ALK: variants seen among roughly 807,000 people sequenced by gnomAD.
The protein encoded by ALK is ALK receptor tyrosine kinase, also known as ALK tyrosine kinase receptor.
Under a neutral mutation model 163.1 loss-of-function variants are expected in ALK, and 74 were observed. That is an observed-to-expected ratio of 0.45 (90% CI 0.38 to 0.55). ALK has a LOEUF of 0.55. ALK is among the 20% of genes least tolerant of loss of function. The pLI is 0.00. For synonymous variants in ALK, 960 were observed against 843.2 expected, an observed-to-expected ratio of 1.14 and a Z score of -2.40; for missense variants, 2,063 against 2,105.3, an observed-to-expected ratio of 0.98 and a Z score of 0.39.
At chr2:29,680,742 T>C (rs1013200806) in intron 3 of ALK, among the ~76,000 whole-genome samples, 2 of 152,260 alleles carry the variant, frequency 1.3e-5, no homozygotes, top group Non-Finnish European at 1.5e-5. Context: ...TGAGTCACAT[T>C]GTATTATTTC....
chr2:29,422,926 T>TTTC (rs1350138307), intron 4 of ALK, among the ~76,000 whole-genome samples: 1 of 151,960 alleles, frequency 6.6e-6, no homozygotes, highest in Non-Finnish European at 1.5e-5. Flanking sequence ...TTTTTTTTTT[T>TTTC]TTTCCCAGCA....
At chr2:29,314,674 G>T (rs951371964) in intron 8 of ALK, among the ~76,000 whole-genome samples, 2 of 152,130 alleles carry the variant, frequency 1.3e-5, no homozygotes, top group African/African-American at 4.8e-5. Context: ...GCCTTGGAGG[G>T]GAAAGAAAAT....
chr2:29,479,473 T>C (rs1671608983), intron 4 of ALK, among the ~76,000 whole-genome samples: 1 of 152,202 alleles, frequency 6.6e-6, no homozygotes, highest in African/African-American at 2.4e-5. Flanking sequence ...GGTGTTTTGC[T>C]CTAGAAAGCT....
intron 12 of ALK, among the ~76,000 whole-genome samples, chr2:29,245,499 A>G (rs765470098): frequency 0.013 from 706 of 52,964 alleles, no homozygotes; most frequent in Middle Eastern, 0.083. Flanking sequence ...GGGCTTTATG[A>G]CTCAGTGCCC....
intron 3 of ALK, among the ~76,000 whole-genome samples, chr2:29,655,739 T>C (rs908184596): frequency 5.9e-5 from 9 of 152,214 alleles, no homozygotes; most frequent in African/African-American, 1.7e-4. Context: ...TGAACAATTA[T>C]AGAAGTTCTA....
intron 1 of ALK, among the ~76,000 whole-genome samples, chr2:29,913,778 CA>C (rs1413110796): frequency 2.0e-5 from 3 of 152,122 alleles, no homozygotes; most frequent in African/African-American, 7.2e-5. Flanking sequence ...CAGGGAGTCT[CA>C]AAGTTTAACT....
chr2:29,320,240 G>A (rs1446957977), intron 7 of ALK, among the ~76,000 whole-genome samples: 1 of 152,204 alleles, frequency 6.6e-6, no homozygotes, highest in African/African-American at 2.4e-5. Flanking sequence ...GGGAGGACAG[G>A]CATTACTAGC....
At chr2:29,661,230 T>C (rs1354162473) in intron 3 of ALK, among the ~76,000 whole-genome samples, 1 of 152,186 alleles carries the variant, frequency 6.6e-6, no homozygotes, top group Non-Finnish European at 1.5e-5. Context: ...ATGGAAGTCA[T>C]GCAGCTACAG....
chr2:29,752,951 A>C (rs1302404396), intron 1 of ALK, among the ~76,000 whole-genome samples: 1 of 152,108 alleles, frequency 6.6e-6, no homozygotes, highest in Non-Finnish European at 1.5e-5. Flanking sequence ...AAGTACCCCA[A>C]TCTTCAGACT....
intron 11 of ALK, among the ~76,000 whole-genome samples, chr2:29,256,600 C>T (rs963643127): frequency 2.0e-5 from 3 of 151,358 alleles, no homozygotes; most frequent in Non-Finnish European, 4.4e-5. Flanking sequence ...CTAGGGAACA[C>T]TTTTGAGTGT....
At chr2:29,539,420 C>T (rs934668113) in intron 3 of ALK, among the ~76,000 whole-genome samples, 17 of 152,020 alleles carry the variant, frequency 1.1e-4, no homozygotes, top group African/African-American at 4.1e-4. Flanking sequence ...TCGTGTGCCA[C>T]AAAAATAACC....
intron 1 of ALK, among the ~76,000 whole-genome samples, chr2:29,731,830 T>C (rs1013120803): frequency 6.6e-6 from 1 of 152,228 alleles, no homozygotes; most frequent in African/African-American, 2.4e-5. Flanking sequence ...AATTGGATAA[T>C]ACTACATCTA....
At chr2:29,913,618 T>A (rs1667761223) in intron 1 of ALK, among the ~76,000 whole-genome samples, 1 of 152,224 alleles carries the variant, frequency 6.6e-6, no homozygotes, top group South Asian at 2.1e-4. Flanking sequence ...GTAGAAATGA[T>A]GTTCATGTGC....
chr2:29,223,575 T>G, intron 19 of ALK, 47 bp from the exon 20 acceptor site: 2 of 1,595,234 alleles, frequency 1.3e-6, no homozygotes, highest in Non-Finnish European at 1.7e-6. Context: ...GCCTGGCCCT[T>G]GAAGCACTAC....
intron 3 of ALK, among the ~76,000 whole-genome samples, chr2:29,676,817 T>C (rs1677886825): frequency 6.6e-6 from 1 of 151,968 alleles, no homozygotes; most frequent in Non-Finnish European, 1.5e-5. Flanking sequence ...ATTTCAGCAA[T>C]ATGCAATTTT....
intron 1 of ALK, among the ~76,000 whole-genome samples, chr2:29,830,712 T>TAAAAAAAAAAAAAAA (rs1665344950): frequency 1.6e-5 from 1 of 63,512 alleles, no homozygotes; most frequent in African/African-American, 6.2e-5. Context: ...CTAAAATAGT[T>TAAAAAAAAAAAAAAA]TAAAAAAAAA....
intron 4 of ALK, among the ~76,000 whole-genome samples, chr2:29,432,027 C>A (rs1486818271): frequency 6.6e-6 from 1 of 152,078 alleles, no homozygotes; most frequent in East Asian, 1.9e-4. Flanking sequence ...TATCCTAGCA[C>A]AGAAGAAACT....
intron 1 of ALK, among the ~76,000 whole-genome samples, chr2:29,787,544 C>A (rs1208962888): frequency 6.6e-6 from 1 of 152,162 alleles, no homozygotes; most frequent in Non-Finnish European, 1.5e-5. Context: ...GACAAGCGGT[C>A]CATGGGACGT....
chr2:29,911,018 C>G (rs573395498), intron 1 of ALK, among the ~76,000 whole-genome samples: 1 of 152,216 alleles, frequency 6.6e-6, no homozygotes, highest in South Asian at 2.1e-4. Context: ...CTACTGGGGA[C>G]TCTGAAAAGT....
Sources: gnomAD v4.1 joint callset for allele counts (sites outside exome capture counted in the v4.1 genomes callset) on GRCh38, gnomAD v4.1.1 for gene constraint, MANE v1.5 for transcripts, NCBI Gene and HGNC (gene_info 2026-07-23, HGNC 2026-07-21) for gene names.